The following HDAC4 variants were observed in gnomAD, a reference collection of about 807,000 sequenced individuals.
HDAC4 encodes the protein histone deacetylase 4.
In HDAC4, 16 loss-of-function variants were observed where a neutral mutation model predicts 135.1. The ratio of observed to expected loss-of-function variants is 0.12; its 90% CI spans 0.08 to 0.18. The LOEUF (loss-of-function observed/expected upper bound fraction) is 0.18, where lower values mean the gene tolerates loss of function less well. HDAC4 is among the 10% of genes least tolerant of loss of function. HDAC4 has a pLI of 1.00. For synonymous variants in HDAC4, 685 were observed against 653.4 expected (o/e 1.05, Z -0.74); for missense variants, 1,143 against 1,511.8 (o/e 0.76, Z 4.05).
At chr2:239,195,585 C>G (rs1466815837) in intron 3 of HDAC4, among the ~76,000 whole-genome samples, 1 of 152,226 alleles carries the variant, frequency 6.6e-6, no homozygotes, top group Non-Finnish European at 1.5e-5. Context: ...TATCAAAAAC[C>G]ATTCAAAATG....
At chr2:239,344,466 A>C (rs1692490285) in intron 2 of HDAC4, among the ~76,000 whole-genome samples, 2 of 152,204 alleles carry the variant, frequency 1.3e-5, no homozygotes, top group African/African-American at 4.8e-5. Context: ...ATTGACAGCG[A>C]ATTTTCTGAG....
intron 2 of HDAC4, among the ~76,000 whole-genome samples, chr2:239,255,295 C>CTGTG (rs60768204): frequency 0.093 from 13,860 of 149,634 alleles, 1,085 homozygotes; most frequent in African/African-American, 0.22. Context: ...TGTTTTCTCA[C>CTGTG]TGTGTGTGTG....
At chr2:239,298,454 G>A in intron 2 of HDAC4, 3 of 1,139,406 alleles carry the variant, frequency 2.6e-6, no homozygotes, top group African/African-American at 1.6e-5. Flanking sequence ...GATACTCTAG[G>A]GTCCCAGCAA....
intron 22 of HDAC4, among the ~76,000 whole-genome samples, chr2:239,079,074 C>T (rs2035042324): frequency 6.6e-6 from 1 of 152,158 alleles, no homozygotes; most frequent in Non-Finnish European, 1.5e-5. Context: ...GAGAAGCCTC[C>T]AAGGGGGGCC....
At chr2:239,111,183 C>T (rs1165521691) in intron 14 of HDAC4, among the ~76,000 whole-genome samples, 3 of 152,246 alleles carry the variant, frequency 2.0e-5, no homozygotes, top group South Asian at 2.1e-4. Flanking sequence ...AGCGGAGAAG[C>T]GTGGGCTCAT....
chr2:239,102,524 ACT>A, intron 16 of HDAC4: 1 of 502,048 alleles, frequency 2.0e-6, no homozygotes, highest in Non-Finnish European at 3.6e-6. Flanking sequence ...TCAAACCTAA[ACT>A]CTGATTCAAG....
chr2:239,215,752 T>C (rs10181205), intron 3 of HDAC4, among the ~76,000 whole-genome samples: 3,786 of 152,238 alleles, frequency 0.025, 130 homozygotes, highest in African/African-American at 0.081. Flanking sequence ...CTGGCAAAGC[T>C]GTCTGCACCA....
chr2:239,378,678 G>A (rs74003971), intron 1 of HDAC4, among the ~76,000 whole-genome samples: 2,923 of 127,798 alleles, frequency 0.023, 39 homozygotes, highest in Middle Eastern at 0.028. Flanking sequence ...CAATGACCCC[G>A]GGAACCAATG....
intron 2 of HDAC4, among the ~76,000 whole-genome samples, chr2:239,338,862 C>A (rs1051285460): frequency 6.6e-6 from 1 of 152,170 alleles, no homozygotes; most frequent in African/African-American, 2.4e-5. Flanking sequence ...GGGCTCAGGG[C>A]CTCCAGGCTC....
chr2:239,111,775 T>C (rs1166541584), intron 13 of HDAC4, 63 bp from the exon 14 acceptor site: 1 of 1,432,578 alleles, frequency 7.0e-7, no homozygotes, highest in African/African-American at 1.4e-5. Context: ...GCTGCAGGGC[T>C]AGGGGTTGCC....
intron 7 of HDAC4, among the ~76,000 whole-genome samples, chr2:239,147,038 T>C (rs895814): frequency 0.61 from 92,851 of 152,090 alleles, 28,998 homozygotes; most frequent in African/African-American, 0.74. Flanking sequence ...GGCCCTCCGC[T>C]CGTCCCTGCC....
chr2:239,352,439 G>C lies in HDAC4; in HGVS notation c.22+239C>G, dbSNP rs1013107133. On this transcript the variant is annotated intron_variant, in intron 2 of 26. Coordinates refer to ENST00000543185, the MANE Select transcript of HDAC4 (RefSeq NM_001378414.1). The surrounding 1 kb of genome is among the most constrained non-coding windows in gnomAD (Gnocchi z 4.4). Reference sequence around the variant, plus strand: ...GGAAACCTGTGTGCCTCTCAAGTCAGCCTGCAAACCGGGGTCGCAGACTTG... The same window carrying C: ...GGAAACCTGTGTGCCTCTCAAGTCACCCTGCAAACCGGGGTCGCAGACTTG... 1.3e-5 allele frequency among the ~76,000 whole-genome samples: 2 copies of C among 152,104 alleles called. No individual in the cohort carries two copies. Among genetic ancestry groups the C allele is most frequent in the African/African-American group, 4.8e-5 (2 of 41,414 alleles).
chr2:239,372,233 G>A (rs1694672803), intron 1 of HDAC4, among the ~76,000 whole-genome samples: 1 of 152,214 alleles, frequency 6.6e-6, no homozygotes, highest in East Asian at 1.9e-4. Context: ...CAGGTGGGGA[G>A]TTTGTGATCC....
At chr2:239,243,679 A>G (rs1029280609) in intron 2 of HDAC4, among the ~76,000 whole-genome samples, 1 of 152,206 alleles carries the variant, frequency 6.6e-6, no homozygotes, top group African/African-American at 2.4e-5. Flanking sequence ...ATATTTTTCA[A>G]ACAAAGGTGT....
At chr2:239,174,585 G>C (rs1042749919) in intron 5 of HDAC4, among the ~76,000 whole-genome samples, 2 of 152,090 alleles carry the variant, frequency 1.3e-5, no homozygotes, top group African/African-American at 4.8e-5. Flanking sequence ...GAAAACTTTT[G>C]GGCATCACGT....
At chr2:239,298,306 G>A in intron 2 of HDAC4, 1 of 1,248,688 alleles carries the variant, frequency 8.0e-7, no homozygotes, top group Non-Finnish European at 1.0e-6. Flanking sequence ...CAGAAGCTGG[G>A]GGAGCCCCTG....
chr2:239,117,332 C>T (rs572562512), intron 12 of HDAC4, among the ~76,000 whole-genome samples: 3 of 152,142 alleles, frequency 2.0e-5, no homozygotes, highest in East Asian at 1.9e-4. Flanking sequence ...GCCAGCCCCA[C>T]GTCTGGCTAA....
chr2:239,083,423 C>T (rs535233767), intron 20 of HDAC4, among the ~76,000 whole-genome samples: 1 of 152,364 alleles, frequency 6.6e-6, no homozygotes, highest in Admixed American at 6.5e-5. Context: ...GCTGTCCTGG[C>T]TGTGCCATAT....
Position 239,221,485 on chromosome 2 carries a change from A to C in HDAC4, c.94+15108T>G, listed in dbSNP as rs372874684. ...CTTCGGAGACCCTGTGCCCCTCCCC[A>C]GGGGTTAAGAGTGGCCAGCTGGGAA... On this transcript the variant is annotated intron_variant, in intron 3 of 26. Coordinates refer to ENST00000543185, the MANE Select transcript of HDAC4 (RefSeq NM_001378414.1). Among the ~76,000 whole-genome samples, 16 of 152,312 alleles carry C rather than the reference A, an allele frequency of 1.1e-4. No homozygotes were observed. The East Asian group carries it at 2.5e-3, about 24-fold the overall frequency.
Sources: allele counts gnomAD v4.1 joint callset (sites outside exome capture counted in the v4.1 genomes callset), GRCh38; gene constraint gnomAD v4.1.1; non-coding constraint Gnocchi (gnomAD v3.1); transcripts MANE v1.5; gene names NCBI Gene and HGNC (gene_info 2026-07-23, HGNC 2026-07-21).